The following PRXL2B variants were observed in gnomAD, a reference collection of about 807,000 sequenced individuals.
The protein encoded by PRXL2B is prostamide/prostaglandin F synthase.
A neutral mutation model predicts 24.4 loss-of-function variants in PRXL2B; 26 were observed. That is an observed-to-expected ratio of 1.07 (90% CI 0.78 to 1.48). The LOEUF (loss-of-function observed/expected upper bound fraction) is 1.48. Among genes scored for constraint, PRXL2B ranks in the 40% most tolerant of loss-of-function variants. The pLI is 0.00. For missense variants in PRXL2B, 269 were observed against 264.8 expected, an observed-to-expected ratio of 1.02 and a Z score of -0.11; for synonymous variants, 115 against 118.9, an observed-to-expected ratio of 0.97 and a Z score of 0.21.
chr1:2,586,735 C>G, upstream of PRXL2B: 2 of 1,239,302 alleles, frequency 1.6e-6, no homozygotes, highest in Non-Finnish European at 1.0e-6. Flanking sequence ...GGGGCGGGGC[C>G]TCGGCGGCAG....
Position 2,589,350 on chromosome 1 carries a change from C to G in PRXL2B, c.580-60C>G, listed in dbSNP as rs978868857. The G allele has an allele frequency of 1.4e-5, 22 of 1,599,144 alleles. No individual in the cohort carries two copies. The African/African-American group carries it at 2.7e-4, about 20-fold the overall frequency. The stretch of plus-strand genomic sequence containing the variant: ...GGGCTGGGGATTGTCCAAGGGGGCC[C>G]TCCAGGCATTTGTCTGATCCAGTGT... On this transcript the variant is annotated intron_variant, in intron 6 of 6. Coordinates refer to ENST00000419916, the MANE Select transcript of PRXL2B (RefSeq NM_152371.5).
At chr1:2,588,337 C>T in intron 3 of PRXL2B, 53 bp from the exon 4 acceptor site, 2 of 1,613,670 alleles carry the variant, frequency 1.2e-6, no homozygotes, top group Non-Finnish European at 1.7e-6. Flanking sequence ...CTGGAGCAGG[C>T]TCTGGACCCA....
intron 6 of PRXL2B, among the ~76,000 whole-genome samples, 184 bp downstream of exon 6, chr1:2,589,224 G>A (rs1313779188): frequency 2.0e-5 from 3 of 152,250 alleles, no homozygotes; most frequent in Non-Finnish European, 4.4e-5. Flanking sequence ...AGGGGCCGAA[G>A]GGCAGCATGG....
intron 6 of PRXL2B, 130 bp from the exon 7 acceptor site, chr1:2,589,278 GAC>G (rs1204117863): frequency 7.3e-7 from 1 of 1,368,294 alleles, no homozygotes; most frequent in African/African-American, 1.4e-5. Flanking sequence ...AGGTGGGGGC[GAC>G]ACATGGGGTG....
In PRXL2B at chr1:2,588,965, C is replaced by T. The variant is rs977347681; in HGVS notation, c.504C>T (p.Gly168=). The part of the protein sequence containing the change: ...VLLHFVQKSP[G]DYVPKEHILQ... ...TGCATTTCGTCCAGAAGTCCCCAGG[C>T]GACTACGTCCCCAAGGAGCACATCC... is the stretch of plus-strand genomic sequence containing the variant. Residue 168 remains glycine, a synonymous_variant, in exon 6 of 7, where the codon GGC becomes GGT. Coordinates refer to ENST00000419916, the MANE Select transcript of PRXL2B (RefSeq NM_152371.5). 25 of 1,613,240 alleles carry T rather than the reference C, an allele frequency of 1.5e-5. No individual in the cohort carries two copies. The highest frequency in any genetic ancestry group is 6.7e-5 in the Admixed American group (4 of 60,006).
Position 2,591,251 on chromosome 1 carries a change from G to A in PRXL2B, c.*1824G>A. Reference sequence around the variant, plus strand: ...CATGAGATAAACCCCCATCTGACCAGAAACATGCCAATCCTGAGAATAACC... The same window carrying A: ...CATGAGATAAACCCCCATCTGACCAAAAACATGCCAATCCTGAGAATAACC... On this transcript the variant is annotated 3_prime_UTR_variant, in exon 7 of 7. Transcript: ENST00000419916. 2 of 603,106 alleles carry A rather than the reference G, an allele frequency of 3.3e-6. No homozygotes were observed. Among genetic ancestry groups the A allele is most frequent in the Non-Finnish European group, 5.8e-6 (2 of 343,732 alleles). The allele number at this position is 603,106 out of a possible 1,614,324, so 37.4% of individuals were successfully genotyped here.
Position 2,588,549 on chromosome 1 carries a change from G to C in PRXL2B, c.385-1G>C. 4 of 1,614,128 alleles carry C rather than the reference G, an allele frequency of 2.5e-6. No individual in the cohort carries two copies. The highest frequency in any genetic ancestry group is 3.4e-6 in the Non-Finnish European group (4 of 1,179,998). ...ACTCAGGCTGTACCCACTCCTGACA[G>C]GCCAAGGCTGTTGGCATCCAGGGGA... On this transcript the variant is annotated splice_acceptor_variant, in intron 4 of 6. Coordinates refer to ENST00000419916, the MANE Select transcript of PRXL2B (RefSeq NM_152371.5). LOFTEE classifies it high-confidence loss of function.
chr1:2,587,011 A>C lies in PRXL2B; in HGVS notation c.63+63A>C. ...TGGCTCCTTGCCCGGGCGTCCTGGC[A>C]GCGATGGGGTGGTGGGGGCCGCGGG... On this transcript the variant is annotated intron_variant, in intron 1 of 6. Transcript: ENST00000419916. This position sits in a 1 kb window ranked among gnomAD's most constrained non-coding sequence, Gnocchi z 6.1. 9.2e-7 allele frequency: 1 copy of C among 1,091,970 alleles called. No individual in the cohort carries two copies. The highest frequency in any genetic ancestry group is 1.1e-6 in the Non-Finnish European group (1 of 894,376). 67.6% of individuals were successfully genotyped at this position (1,091,970 alleles called of 1,614,324 possible). A position where few individuals can be genotyped will look rare whatever the true frequency, so the allele number is the denominator to read the frequency against.
In PRXL2B at chr1:2,589,465, C is replaced by T. The variant is rs769303363; in HGVS notation, c.*38C>T. 40 of 1,613,550 alleles carry T rather than the reference C, an allele frequency of 2.5e-5. No individual in the cohort carries two copies. The highest frequency in any genetic ancestry group is 1.6e-4 in the Middle Eastern group (1 of 6,080). The stretch of plus-strand genomic sequence containing the variant: ...CCCTGGCCTCCGAGGATCTGGGTGG[C>T]GTCTGCTGCCCTAGGTGTGCTGGAA... On this transcript the variant is annotated 3_prime_UTR_variant, in exon 7 of 7. Transcript: ENST00000419916.
chr1:2,590,926 AC>A lies in PRXL2B; in HGVS notation c.*1501del. The A allele has an allele frequency of 7.9e-7, 1 of 1,259,228 alleles. No homozygotes were observed. The highest frequency in any genetic ancestry group is 1.0e-6 in the Non-Finnish European group (1 of 962,162). The allele number at this position is 1,259,228 out of a possible 1,614,324, so 78.0% of individuals were successfully genotyped here. ...CGTACACTGGGTCGCCGCTAGCTGC[AC>A]CTTCGCACAGATGCCTCCGAGCAGC... On this transcript the variant is annotated 3_prime_UTR_variant, in exon 7 of 7. Coordinates refer to ENST00000419916, the MANE Select transcript of PRXL2B (RefSeq NM_152371.5).
chr1:2,588,138 C>T (rs1256105875), intron 3 of PRXL2B, among the ~76,000 whole-genome samples: 1 of 152,184 alleles, frequency 6.6e-6, no homozygotes, highest in Admixed American at 6.5e-5. Context: ...TCCCTGGGCA[C>T]ACCCAGCCTG....
rs537949401 is a variant in PRXL2B, at chr1:2,590,931, C to T, written c.*1504C>T. On this transcript the variant is annotated 3_prime_UTR_variant, in exon 7 of 7. Transcript: ENST00000419916. ...ACTGGGTCGCCGCTAGCTGCACCTT[C>T]GCACAGATGCCTCCGAGCAGCGGGT... 4.7e-5 allele frequency: 63 copies of T among 1,337,148 alleles called. No homozygotes were observed. Among genetic ancestry groups the T allele is most frequent in the South Asian group, 1.0e-4 (6 of 59,286 alleles). The allele number at this position is 1,337,148 out of a possible 1,614,324, so 82.8% of individuals were successfully genotyped here. A position where few individuals can be genotyped will look rare whatever the true frequency, so the allele number is the denominator to read the frequency against.
At position 2,588,966 on chromosome 1, in the gene PRXL2B, GACT is replaced by G. The variant is rs1644603677; in HGVS notation, c.508_510del (p.Tyr170del). 1 of 1,613,352 alleles carries G rather than the reference GACT, an allele frequency of 6.2e-7. No homozygotes were observed. On this transcript the variant is annotated inframe_deletion, in exon 6 of 7. Transcript: ENST00000419916. ...GCATTTCGTCCAGAAGTCCCCAGGC[GACT>G]ACGTCCCCAAGGAGCACATCCTGCA...
upstream of PRXL2B, chr1:2,586,648 C>A: frequency 1.1e-6 from 1 of 944,376 alleles, no homozygotes; most frequent in African/African-American, 2.2e-5. Context: ...GAGCAGGGCT[C>A]GGGGTGCGGT....
At chr1:2,588,689 GC>G in intron 5 of PRXL2B, 64 bp downstream of exon 5, 1 of 1,546,094 alleles carries the variant, frequency 6.5e-7, no homozygotes, top group Non-Finnish European at 8.9e-7. Context: ...TGGTGGCCCA[GC>G]CCAGGCCCTC....
intron 5 of PRXL2B, 92 bp downstream of exon 5, chr1:2,588,717 C>T (rs1247338096): frequency 7.1e-7 from 1 of 1,408,520 alleles, no homozygotes; most frequent in East Asian, 2.3e-5. Context: ...GCTTGTCAGT[C>T]TCATCACAGC....
chr1:2,590,925 C>A lies in PRXL2B; in HGVS notation c.*1498C>A, dbSNP rs1235722655. 2.4e-6 allele frequency: 3 copies of A among 1,253,940 alleles called. No individual in the cohort carries two copies. Among genetic ancestry groups the A allele is most frequent in the Non-Finnish European group, 3.1e-6 (3 of 959,172 alleles). The allele number at this position is 1,253,940 out of a possible 1,614,324, so 77.7% of individuals were successfully genotyped here. On this transcript the variant is annotated 3_prime_UTR_variant, in exon 7 of 7. Transcript: ENST00000419916. ...ACGTACACTGGGTCGCCGCTAGCTG[C>A]ACCTTCGCACAGATGCCTCCGAGCA...
At chr1:2,589,191 C>T (rs536957046) in intron 6 of PRXL2B, 151 bp downstream of exon 6, 3 of 1,005,592 alleles carry the variant, frequency 3.0e-6, no homozygotes, top group Admixed American at 2.4e-5. Context: ...TGTGACCCCA[C>T]TTGCAGAGTG....
rs1376984204 is a variant in PRXL2B at position 2,591,009 on chromosome 1, T to A, written c.*1582T>A. 2 of 1,600,186 alleles carry A rather than the reference T, an allele frequency of 1.2e-6. No homozygotes were observed. Among genetic ancestry groups the A allele is most frequent in the Admixed American group, 3.4e-5 (2 of 58,060 alleles). On this transcript the variant is annotated 3_prime_UTR_variant, in exon 7 of 7. Coordinates refer to ENST00000419916, the MANE Select transcript of PRXL2B (RefSeq NM_152371.5). ...CCTTGGCTACCACACGCGGCATCGC[T>A]CCTTGGGGTGCATGGGGGTGCCCCG... is the stretch of plus-strand genomic sequence containing the variant.
Sources: allele counts gnomAD v4.1 joint callset (sites outside exome capture counted in the v4.1 genomes callset), GRCh38; gene constraint gnomAD v4.1.1; non-coding constraint Gnocchi (gnomAD v3.1); transcripts MANE v1.5; gene names NCBI Gene and HGNC (gene_info 2026-07-23, HGNC 2026-07-21).